Variants in EDNRB observed in about 807,000 individuals in gnomAD.
The protein encoded by EDNRB is Hirschsprung disease 2.
A neutral mutation model predicts 46.4 loss-of-function variants in EDNRB; 18 were observed. The ratio of observed to expected loss-of-function variants is 0.39; its 90% CI spans 0.27 to 0.57. The LOEUF (loss-of-function observed/expected upper bound fraction) is 0.57. Among genes scored for constraint, EDNRB ranks in the 20% least tolerant of loss-of-function variants. The pLI is 0.61. For synonymous variants in EDNRB, 213 were observed against 204.9 expected (o/e 1.04, Z -0.34); for missense variants, 434 against 537.5 (o/e 0.81, Z 1.90).
intron 1 of EDNRB, among the ~76,000 whole-genome samples, chr13:77,964,466 A>G (rs1298571308): frequency 1.3e-5 from 2 of 152,228 alleles, no homozygotes; most frequent in Non-Finnish European, 2.9e-5. Flanking sequence ...CGATAAGTTC[A>G]TGTCCTTTGT....
At chr13:77,962,909 A>G (rs1457582217) in intron 1 of EDNRB, among the ~76,000 whole-genome samples, 1 of 152,178 alleles carries the variant, frequency 6.6e-6, no homozygotes, top group Non-Finnish European at 1.5e-5. Context: ...AAGCTGATAA[A>G]CAACTTCAGC....
chr13:77,940,329 T>TG (rs1880707333), intron 1 of EDNRB, among the ~76,000 whole-genome samples: 1 of 24,936 alleles, frequency 4.0e-5, no homozygotes, highest in African/African-American at 7.9e-5. Context: ...AAGAGTTTAA[T>TG]TTTTTTTTTT....
At position 77,903,448 on chromosome 13, in the gene EDNRB, C is replaced by T. The variant is rs193133931; in HGVS notation, c.596+47G>A. 31 of 1,607,288 alleles carry T rather than the reference C, an allele frequency of 1.9e-5. No homozygotes were observed. The Admixed American group carries it at 2.8e-4, about 15-fold the overall frequency. ...TTTATTTTCTAAGTAACATGGAAAA[C>T]AATAGTATATATTCAGAATATACTT... On this transcript the variant is annotated intron_variant, in intron 2 of 6. Coordinates refer to ENST00000646607, the MANE Select transcript of EDNRB (RefSeq NM_001122659.3).
intron 1 of EDNRB, among the ~76,000 whole-genome samples, chr13:77,903,868 C>T (rs2137612858): frequency 6.6e-6 from 1 of 152,052 alleles, no homozygotes; most frequent in Non-Finnish European, 1.5e-5. Context: ...CTCACCTCAT[C>T]AGAGCAAACT....
At chr13:77,902,849 G>A (rs950367059) in intron 3 of EDNRB, among the ~76,000 whole-genome samples, 1 of 151,900 alleles carries the variant, frequency 6.6e-6, no homozygotes, top group African/African-American at 2.4e-5. Context: ...TTCACTTTGT[G>A]GCACCAAACA....
At chr13:77,910,459 A>G (rs1181773941) in intron 1 of EDNRB, among the ~76,000 whole-genome samples, 1 of 152,024 alleles carries the variant, frequency 6.6e-6, no homozygotes, top group Non-Finnish European at 1.5e-5. Flanking sequence ...AAGGACTTCC[A>G]TGCCAGAACT....
Position 77,903,228 on chromosome 13 carries a change from A to G in EDNRB, c.729T>C (p.Ile243=), listed in dbSNP as rs200676155. 2.5e-6 allele frequency: 4 copies of G among 1,613,052 alleles called. No homozygotes were observed. The highest frequency in any genetic ancestry group is 3.4e-6 in the Non-Finnish European group (4 of 1,179,374). The change falls in exon 3 of 7, where the codon ATT becomes ATC. Residue 243 remains isoleucine, a synonymous_variant. Transcript: ENST00000646607. ...GATAACTTCCTTTGTAGTCCATCGT[A>G]ATTATATCAAAACCTATGGCTTCAG... ...AVPEAIGFDI[I]TMDYKGSYLR... is the part of the protein sequence containing the mutation.
At chr13:77,900,407 A>T in intron 5 of EDNRB, 114 bp downstream of exon 5, 2 of 1,494,134 alleles carry the variant, frequency 1.3e-6, no homozygotes, top group Admixed American at 3.5e-5. Context: ...AGTCTCCATG[A>T]CTTCCTAAGG....
chr13:77,937,111 C>T (rs150745178), intron 1 of EDNRB, among the ~76,000 whole-genome samples: 3,617 of 152,210 alleles, frequency 0.024, 139 homozygotes, highest in African/African-American at 0.081. Flanking sequence ...GGGTCTAGGG[C>T]GGTAAAGCGT....
intron 1 of EDNRB, among the ~76,000 whole-genome samples, chr13:77,954,157 G>C (rs934533835): frequency 4.6e-5 from 7 of 151,742 alleles, no homozygotes; most frequent in African/African-American, 1.7e-4. Flanking sequence ...GCTCTACTCT[G>C]TTAAAAAAAA....
Position 77,896,876 on chromosome 13 carries a change from G to A in EDNRB, c.*1324C>T, listed in dbSNP as rs1046257108. The stretch of plus-strand genomic sequence containing the variant: ...GAAGATATAAAAATTAGGCAGGAAC[G>A]CACAAAGCTAAGAGGTTCTTACGGT... On this transcript the variant is annotated 3_prime_UTR_variant, in exon 7 of 7. Coordinates refer to ENST00000646607, the MANE Select transcript of EDNRB (RefSeq NM_001122659.3). The A allele has an allele frequency of 2.8e-5, 29 of 1,020,634 alleles. No homozygotes were observed. Among genetic ancestry groups the A allele is most frequent in the South Asian group, 4.3e-5 (1 of 23,502 alleles). The allele number at this position is 1,020,634 out of a possible 1,614,324, so 63.2% of individuals were successfully genotyped here.
chr13:77,906,840 G>A (rs984420815), intron 1 of EDNRB, among the ~76,000 whole-genome samples: 4 of 151,934 alleles, frequency 2.6e-5, no homozygotes, highest in Non-Finnish European at 5.9e-5. Context: ...AAATTGTAGG[G>A]TAATTTGTTA....
intron 3 of EDNRB, among the ~76,000 whole-genome samples, chr13:77,902,504 C>T (rs1879046589): frequency 6.6e-6 from 1 of 151,906 alleles, no homozygotes; most frequent in Non-Finnish European, 1.5e-5. Flanking sequence ...TCCTTAGTCA[C>T]CTGCTCTGTC....
At chr13:77,927,731 A>C (rs114595918) in intron 1 of EDNRB, among the ~76,000 whole-genome samples, 21 of 152,218 alleles carry the variant, frequency 1.4e-4, no homozygotes, top group African/African-American at 5.1e-4. Flanking sequence ...GGAATAATCC[A>C]TAGCTTATGA....
intron 1 of EDNRB, among the ~76,000 whole-genome samples, chr13:77,965,464 G>A (rs907948922): frequency 8.5e-5 from 13 of 152,144 alleles, no homozygotes; most frequent in African/African-American, 3.1e-4. Context: ...AGTAAAGTGT[G>A]GAGAGCAGAA....
chr13:77,945,168 G>A (rs1198699900), intron 1 of EDNRB, among the ~76,000 whole-genome samples: 1 of 152,140 alleles, frequency 6.6e-6, no homozygotes, highest in African/African-American at 2.4e-5. Context: ...TCACTGAGGT[G>A]TACATGTGTA....
At chr13:77,948,421 G>C (rs148019501) in intron 1 of EDNRB, among the ~76,000 whole-genome samples, 148 of 152,316 alleles carry the variant, frequency 9.7e-4, no homozygotes, top group African/African-American at 3.4e-3. Flanking sequence ...GAATTGCACA[G>C]TGCAGTGCTT....
At chr13:77,958,922 T>A (rs1469258719) in intron 1 of EDNRB, among the ~76,000 whole-genome samples, 2 of 152,166 alleles carry the variant, frequency 1.3e-5, no homozygotes, top group African/African-American at 4.8e-5. Flanking sequence ...GAATATGTAT[T>A]TACAAGATGG....
chr13:77,908,042 A>G (rs111722898), intron 1 of EDNRB, among the ~76,000 whole-genome samples: 1 of 90,610 alleles, frequency 1.1e-5, no homozygotes, highest in Admixed American at 1.3e-4. Flanking sequence ...AAAAAAAAAA[A>G]AAGAGAGAGA....
Sources: allele counts gnomAD v4.1 joint callset (sites outside exome capture counted in the v4.1 genomes callset), GRCh38; gene constraint gnomAD v4.1.1; transcripts MANE v1.5; gene names NCBI Gene and HGNC (gene_info 2026-07-23, HGNC 2026-07-21).